The following CYTL1 variants were observed in gnomAD, a reference collection of about 807,000 sequenced individuals.
CYTL1 encodes cytokine like 1.
A neutral mutation model predicts 13.1 loss-of-function variants in CYTL1; 17 were observed. The observed-to-expected ratio is 1.29, with a 90% CI of 0.89 to 1.94. CYTL1 has a LOEUF of 1.94. Ranked by LOEUF, CYTL1 falls within the 30% of genes most tolerant of loss-of-function variation. CYTL1 has a pLI of 0.00. For missense variants in CYTL1, 213 were observed against 174.8 expected, an observed-to-expected ratio of 1.22 and a Z score of -1.23; for synonymous variants, 91 against 79.4, an observed-to-expected ratio of 1.15 and a Z score of -0.78.
intron 2 of CYTL1, 52 bp downstream of exon 2, chr4:5,017,083 G>A (rs987574334): frequency 6.2e-7 from 1 of 1,608,272 alleles, no homozygotes; most frequent in East Asian, 2.2e-5. Flanking sequence ...CAGAGGTTCA[G>A]ACCTGAGTCC....
intron 2 of CYTL1, 58 bp from the exon 3 acceptor site, chr4:5,017,022 G>A: frequency 6.2e-7 from 1 of 1,610,230 alleles, no homozygotes. Flanking sequence ...AGAGGAACAG[G>A]GACTGAGCTG....
At chr4:5,019,018 T>C (rs1741138737) in intron 1 of CYTL1, among the ~76,000 whole-genome samples, 1 of 148,178 alleles carries the variant, frequency 6.7e-6, no homozygotes, top group Non-Finnish European at 1.5e-5. Context: ...TTTTTTTTTT[T>C]TTTTTTTTTA....
At chr4:5,015,298 G>A (rs544477622) in intron 3 of CYTL1, 64 bp from the exon 4 acceptor site, 10 of 1,291,938 alleles carry the variant, frequency 7.7e-6, no homozygotes, top group African/African-American at 7.3e-5. Flanking sequence ...ATATGCAACT[G>A]TAGGGCTCTT....
Position 5,019,402 on chromosome 4 carries a change from G to T in CYTL1, c.44C>A (p.Ala15Glu), listed in dbSNP as rs546321692. The stretch of plus-strand genomic sequence containing the variant: ...AGTGGGCCGCGCGGCGGGGGCTCCC[G>T]CCAGGAGCAGCAGCAGCACGGGCAG... ...GPLPVLLLLL[A>E]GAPAARPTPP... The change falls in exon 1 of 4, where the codon GCG (alanine) becomes GAG (glutamate). Residue 15 changes from alanine to glutamate, a missense_variant. Ala to Glu is a moderately radical substitution (Grantham distance 107, BLOSUM62 -1). Transcript: ENST00000307746. The T allele has an allele frequency of 1.9e-4, 277 of 1,491,922 alleles. 1 individual carries two copies. In the South Asian group the frequency reaches 2.3e-3, roughly 12 times the overall value. The allele number at this position is 1,491,922 out of a possible 1,614,324, so 92.4% of individuals were successfully genotyped here.
At chr4:5,016,519 G>C (rs2108733224) in intron 3 of CYTL1, among the ~76,000 whole-genome samples, 1 of 152,210 alleles carries the variant, frequency 6.6e-6, no homozygotes, top group Middle Eastern at 3.4e-3. Flanking sequence ...GAGCACACCT[G>C]AACCTCCTCC....
chr4:5,018,550 T>G (rs1741127197), intron 1 of CYTL1, among the ~76,000 whole-genome samples: 1 of 152,256 alleles, frequency 6.6e-6, no homozygotes, highest in South Asian at 2.1e-4. Context: ...TAATGAAGTT[T>G]AATGCATTTT....
intron 2 of CYTL1, 81 bp from the exon 3 acceptor site, chr4:5,017,045 C>G (rs1741090292): frequency 6.2e-7 from 1 of 1,607,320 alleles, no homozygotes; most frequent in Non-Finnish European, 8.5e-7. Context: ...TAAGATCTCT[C>G]CCTGACTCTG....
chr4:5,016,793 C>T (rs1741082241), intron 3 of CYTL1, 43 bp downstream of exon 3: 1 of 1,610,784 alleles, frequency 6.2e-7, no homozygotes, highest in Admixed American at 1.7e-5. Flanking sequence ...AAAGTCTTGG[C>T]TGATAGCAAG....
At chr4:5,017,842 C>T (rs890345874) in intron 1 of CYTL1, among the ~76,000 whole-genome samples, 2 of 152,178 alleles carry the variant, frequency 1.3e-5, no homozygotes, top group African/African-American at 4.8e-5. Context: ...CTATATTGGG[C>T]TTCCGTTTTT....
chr4:5,018,119 TAAAAC>T (rs1328444447), intron 1 of CYTL1, among the ~76,000 whole-genome samples: 1 of 152,226 alleles, frequency 6.6e-6, no homozygotes, highest in Non-Finnish European at 1.5e-5. Flanking sequence ...AACAAAATGT[TAAAAC>T]AAAAATGAAC....
chr4:5,015,335 T>C (rs1741050202), intron 3 of CYTL1, 101 bp from the exon 4 acceptor site: 1 of 883,040 alleles, frequency 1.1e-6, no homozygotes, highest in Non-Finnish European at 1.8e-6. Context: ...CATTCAGTTG[T>C]TCCTCTTTCT....
At chr4:5,016,557 T>C (rs1234691905) in intron 3 of CYTL1, among the ~76,000 whole-genome samples, 1 of 152,172 alleles carries the variant, frequency 6.6e-6, no homozygotes, top group Admixed American at 6.5e-5. Context: ...CCTGCCTCAC[T>C]TGGCTCCTGG....
Position 5,014,945 on chromosome 4 carries a change from G to A in CYTL1, c.*206C>T, listed in dbSNP as rs1300264571. On this transcript the variant is annotated 3_prime_UTR_variant, in exon 4 of 4. Coordinates refer to ENST00000307746, the MANE Select transcript of CYTL1 (RefSeq NM_018659.3). The stretch of plus-strand genomic sequence containing the variant: ...CATCCTGGCAAGACATGAGTCAAGG[G>A]AATGAGAAGCATGGTTGCTAACTCT... 3.5e-6 allele frequency: 2 copies of A among 572,472 alleles called. No individual in the cohort carries two copies. The highest frequency in any genetic ancestry group is 3.2e-5 in the Admixed American group (1 of 31,742). 35.5% of individuals were successfully genotyped at this position (572,472 alleles called of 1,614,324 possible).
chr4:5,016,079 C>T (rs768710619), intron 3 of CYTL1, among the ~76,000 whole-genome samples: 5 of 152,146 alleles, frequency 3.3e-5, no homozygotes, highest in Non-Finnish European at 7.4e-5. Flanking sequence ...GGGCTCTGCC[C>T]TTATGAATGG....
intron 3 of CYTL1, among the ~76,000 whole-genome samples, chr4:5,016,518 T>C (rs1221973238): frequency 6.6e-6 from 1 of 152,168 alleles, no homozygotes; most frequent in Non-Finnish European, 1.5e-5. Flanking sequence ...AGAGCACACC[T>C]GAACCTCCTC....
intron 1 of CYTL1, among the ~76,000 whole-genome samples, chr4:5,018,286 G>C (rs924504386): frequency 6.6e-6 from 1 of 151,932 alleles, no homozygotes; most frequent in Non-Finnish European, 1.5e-5. Flanking sequence ...ACAATGCTAC[G>C]GCAGCAGCTA....
At chr4:5,017,215 AG>A (rs776426755) in intron 1 of CYTL1, 36 bp from the exon 2 acceptor site, 153 of 1,605,676 alleles carry the variant, frequency 9.5e-5, no homozygotes, top group Non-Finnish European at 1.2e-4. Flanking sequence ...GGATGCCCAC[AG>A]GGGCATACCT....
intron 2 of CYTL1, 28 bp downstream of exon 2, chr4:5,017,107 C>A (rs760187471): frequency 1.2e-6 from 2 of 1,612,038 alleles, no homozygotes; most frequent in Non-Finnish European, 1.7e-6. Flanking sequence ...AGCCCAAGAC[C>A]TCCCTCCCCC....
intron 3 of CYTL1, 77 bp from the exon 4 acceptor site, chr4:5,015,311 T>A: frequency 8.6e-7 from 1 of 1,160,870 alleles, no homozygotes; most frequent in Non-Finnish European, 1.3e-6. Flanking sequence ...GGGCTCTTGG[T>A]TATCCTCAAA....
Sources: allele counts gnomAD v4.1 joint callset (sites outside exome capture counted in the v4.1 genomes callset), GRCh38; gene constraint gnomAD v4.1.1; transcripts MANE v1.5; gene names NCBI Gene and HGNC (gene_info 2026-07-23, HGNC 2026-07-21).